ANKRD22: variants seen among roughly 807,000 people sequenced by gnomAD.
ANKRD22 encodes the protein ankyrin repeat domain 22, also known as ankyrin repeat domain-containing protein 22.
A neutral mutation model predicts 25.7 loss-of-function variants in ANKRD22; 24 were observed. The ratio of observed to expected loss-of-function variants is 0.93; its 90% CI spans 0.68 to 1.31. The LOEUF (loss-of-function observed/expected upper bound fraction) is 1.31. Ranked by LOEUF, ANKRD22 falls within the 50% of genes most tolerant of loss-of-function variation. The pLI is 0.00. For synonymous variants in ANKRD22, 84 were observed against 84.3 expected (o/e 1.00, Z 0.02); for missense variants, 214 against 227.1 (o/e 0.94, Z 0.37).
In ANKRD22 at chr10:88,826,890, A is replaced by G. The variant is rs1237486611; in HGVS notation, c.322-775T>C. Among the ~76,000 whole-genome samples the G allele has an allele frequency of 5.3e-5, 8 of 152,354 alleles. No individual in the cohort carries two copies. In the East Asian group the frequency reaches 1.5e-3, roughly 29 times the overall value. On this transcript the variant is annotated intron_variant, in intron 3 of 5. Coordinates refer to ENST00000371930, the MANE Select transcript of ANKRD22 (RefSeq NM_144590.3). ...GTAAAAAACTATGCCTATTTTGTTC[A>G]TCATTGTGTCCCTAACAGCTAGCAC...
At chr10:88,843,749 A>G (rs1844023885) in intron 1 of ANKRD22, among the ~76,000 whole-genome samples, 1 of 152,180 alleles carries the variant, frequency 6.6e-6, no homozygotes, top group Non-Finnish European at 1.5e-5. Context: ...TGGGAGAATT[A>G]TTTGTGTCTG....
intron 4 of ANKRD22, among the ~76,000 whole-genome samples, chr10:88,825,011 T>TCTCACACACACACA (rs1420247268): frequency 9.0e-6 from 1 of 111,420 alleles, no homozygotes; most frequent in Non-Finnish European, 2.0e-5. Context: ...TCTCTCTCTC[T>TCTCACACACACACA]CACACACACA....
In ANKRD22 at chr10:88,832,043, A is replaced by G. The variant is rs1254542168; in HGVS notation, c.22-17T>C. The stretch of plus-strand genomic sequence containing the variant: ...GCAGATGGGCTGGGTCGGGAAAAAC[A>G]AAAGCAGGTTTTGAAATACTGGCAT... On this transcript the variant is annotated splice_polypyrimidine_tract_variant and intron_variant, in intron 1 of 5. Transcript: ENST00000371930. 3 of 1,579,774 alleles carry G rather than the reference A, an allele frequency of 1.9e-6. No individual in the cohort carries two copies. Among genetic ancestry groups the G allele is most frequent in the Non-Finnish European group, 1.7e-6 (2 of 1,165,664 alleles).
At chr10:88,827,933 T>C (rs772759961) in intron 3 of ANKRD22, among the ~76,000 whole-genome samples, 1 of 152,174 alleles carries the variant, frequency 6.6e-6, no homozygotes, top group Non-Finnish European at 1.5e-5. Flanking sequence ...TGTTACCCTA[T>C]TGGGAAAAAA....
intron 3 of ANKRD22, among the ~76,000 whole-genome samples, chr10:88,827,616 GA>G (rs1332614801): frequency 6.6e-6 from 1 of 152,110 alleles, no homozygotes; most frequent in African/African-American, 2.4e-5. Flanking sequence ...TTTTATTAGT[GA>G]ATTAAAGTTC....
intron 2 of ANKRD22, among the ~76,000 whole-genome samples, chr10:88,831,441 G>T (rs1283078620): frequency 6.6e-6 from 1 of 152,134 alleles, no homozygotes; most frequent in Non-Finnish European, 1.5e-5. Flanking sequence ...AATATAGCAG[G>T]TAAAAATCTA....
chr10:88,848,553 T>G (rs1235280662), intron 1 of ANKRD22, among the ~76,000 whole-genome samples: 1 of 152,126 alleles, frequency 6.6e-6, no homozygotes, highest in Non-Finnish European at 1.5e-5. Flanking sequence ...GCTGGGAAGA[T>G]TGTGAGAATG....
Position 88,822,544 on chromosome 10 carries a change from CTTTTTTTTTT to C in ANKRD22, c.*387_*396del, listed in dbSNP as rs35912078. 1.1e-4 allele frequency: 4 copies of C among 36,444 alleles called. No homozygotes were observed. The highest frequency in any genetic ancestry group is 1.3e-3 in the South Asian group (1 of 750). 2.3% of individuals were successfully genotyped at this position (36,444 alleles called of 1,614,324 possible). On this transcript the variant is annotated 3_prime_UTR_variant, in exon 6 of 6. Coordinates refer to ENST00000371930, the MANE Select transcript of ANKRD22 (RefSeq NM_144590.3). ...AAAGACTGAGTTTGGAACACCAGGG[CTTTTTTTTTT>C]TTTTTTTTTTTTGAGACAGGGTCTC... is the stretch of plus-strand genomic sequence containing the variant.
At chr10:88,826,176 T>C in intron 3 of ANKRD22, 61 bp from the exon 4 acceptor site, 1 of 1,376,622 alleles carries the variant, frequency 7.3e-7, no homozygotes, top group Non-Finnish European at 1.0e-6. Flanking sequence ...AATTTATGCC[T>C]GAGACTATTT....
chr10:88,826,230 T>C (rs1843855001), intron 3 of ANKRD22, 115 bp from the exon 4 acceptor site: 2 of 784,416 alleles, frequency 2.5e-6, no homozygotes, highest in Non-Finnish European at 4.0e-6. Flanking sequence ...TATGCATGCA[T>C]GCACCCTTCC....
At chr10:88,826,299 A>C (rs1171841395) in intron 3 of ANKRD22, among the ~76,000 whole-genome samples, 184 bp from the exon 4 acceptor site, 1 of 152,190 alleles carries the variant, frequency 6.6e-6, no homozygotes, top group Non-Finnish European at 1.5e-5. Flanking sequence ...CCAGGTTCTC[A>C]GACTGTGGTC....
intron 1 of ANKRD22, among the ~76,000 whole-genome samples, chr10:88,847,217 C>A (rs537823385): frequency 6.6e-6 from 1 of 152,174 alleles, no homozygotes; most frequent in African/African-American, 2.4e-5. Context: ...CCTTCTATTT[C>A]TTTGAGTCAT....
At chr10:88,843,567 G>T (rs1201424998) in intron 1 of ANKRD22, among the ~76,000 whole-genome samples, 2 of 152,120 alleles carry the variant, frequency 1.3e-5, no homozygotes, top group Non-Finnish European at 2.9e-5. Flanking sequence ...CTAAAAAAGG[G>T]TGTGGACTTT....
chr10:88,846,119 T>A (rs928044863), intron 1 of ANKRD22, among the ~76,000 whole-genome samples: 1 of 152,110 alleles, frequency 6.6e-6, no homozygotes, highest in African/African-American at 2.4e-5. Context: ...TGAAGGTACT[T>A]TTTTTTGCGT....
At chr10:88,844,679 T>C (rs1322900735) in intron 1 of ANKRD22, among the ~76,000 whole-genome samples, 2 of 150,006 alleles carry the variant, frequency 1.3e-5, no homozygotes, top group African/African-American at 5.0e-5. Flanking sequence ...TATGCCTTCT[T>C]ATCTCATCTC....
At chr10:88,831,267 G>T (rs777980085) in intron 2 of ANKRD22, among the ~76,000 whole-genome samples, 8 of 152,168 alleles carry the variant, frequency 5.3e-5, no homozygotes, top group African/African-American at 9.7e-5. Flanking sequence ...GGTCCTGAAG[G>T]CTCCAAAGTA....
chr10:88,840,260 C>T (rs1418458442), intron 1 of ANKRD22, among the ~76,000 whole-genome samples: 1 of 152,168 alleles, frequency 6.6e-6, no homozygotes, highest in East Asian at 1.9e-4. Flanking sequence ...GAATATGACG[C>T]ATCCGGTATG....
intron 2 of ANKRD22, among the ~76,000 whole-genome samples, chr10:88,831,510 T>C (rs1589324400): frequency 1.3e-5 from 2 of 151,974 alleles, no homozygotes; most frequent in East Asian, 1.9e-4. Context: ...GTGTTAGTAA[T>C]GAGAAAGAGG....
chr10:88,823,643 C>G (rs1210194891), intron 4 of ANKRD22: 1 of 320,100 alleles, frequency 3.1e-6, no homozygotes, highest in Admixed American at 4.5e-5. Flanking sequence ...CTGGCTAACA[C>G]GGTGAAACCC....
Sources: allele counts gnomAD v4.1 joint callset (sites outside exome capture counted in the v4.1 genomes callset), GRCh38; gene constraint gnomAD v4.1.1; transcripts MANE v1.5; gene names NCBI Gene and HGNC (gene_info 2026-07-23, HGNC 2026-07-21).